ELN: variants seen among roughly 807,000 people sequenced by gnomAD.
ELN encodes the protein tropoelastin.
Under a neutral mutation model 105.8 loss-of-function variants are expected in ELN, and 65 were observed. The observed-to-expected ratio is 0.61, with a 90% confidence interval of 0.50 to 0.75. ELN has a LOEUF of 0.75. Among genes scored for constraint, ELN ranks in the 30% least tolerant of loss-of-function variants. ELN has a pLI of 0.00. For missense variants in ELN, 882 were observed against 969.4 expected, an observed-to-expected ratio of 0.91 and a Z score of 1.20; for synonymous variants, 368 against 389.2, an observed-to-expected ratio of 0.95 and a Z score of 0.64.
intron 26 of ELN, 99 bp downstream of exon 26, chr7:74,061,238 C>T (rs1261896161): frequency 1.9e-5 from 28 of 1,505,534 alleles, no homozygotes; most frequent in South Asian, 3.4e-5. Context: ...CAGTTTCGGC[C>T]GGGCGTGGTG....
intron 8 of ELN, chr7:74,043,388 A>G: frequency 1.3e-6 from 1 of 750,898 alleles, no homozygotes; most frequent in Non-Finnish European, 2.3e-6. Context: ...TGGGGTAGAA[A>G]GAGACGGGCT....
intron 30 of ELN, 83 bp downstream of exon 30, chr7:74,065,815 G>C: frequency 1.9e-6 from 3 of 1,610,742 alleles, no homozygotes; most frequent in Non-Finnish European, 2.5e-6. Context: ...CCCAGCTCAG[G>C]CCTCCCTCTG....
intron 17 of ELN, chr7:74,052,815 AAAAAG>A: frequency 3.4e-6 from 1 of 290,446 alleles, no homozygotes; most frequent in Non-Finnish European, 6.5e-6. Flanking sequence ...GGAAGGAAGG[AAAAAG>A]AAAAGAGGGA....
At chr7:74,040,352 C>G (rs575966769) in intron 4 of ELN, among the ~76,000 whole-genome samples, 3 of 152,218 alleles carry the variant, frequency 2.0e-5, no homozygotes, top group Non-Finnish European at 4.4e-5. Flanking sequence ...CACTCCCGCC[C>G]GGAGGCAAAG....
At chr7:74,047,816 C>T in intron 13 of ELN, 100 bp downstream of exon 13, 6 of 1,544,952 alleles carry the variant, frequency 3.9e-6, no homozygotes, top group East Asian at 2.3e-5. Context: ...GAGAGCACCT[C>T]GCTGGGGCAG....
In ELN at chr7:74,069,712, CT is replaced by C. The variant is rs1554691275; in HGVS notation, c.*1016del. The C allele has an allele frequency of 4.3e-6, 1 of 230,702 alleles. No homozygotes were observed. Among genetic ancestry groups the C allele is most frequent in the African/African-American group, 2.2e-5 (1 of 44,918 alleles). 14.3% of individuals were successfully genotyped at this position (230,702 alleles called of 1,614,324 possible). ...GATTATTTTTGATTGTTGATATTCT[CT>C]TTTGGTTTTATTGTTGTGGTTCATT... On this transcript the variant is annotated 3_prime_UTR_variant, in exon 33 of 33. Transcript: ENST00000252034.
In ELN at chr7:74,052,182, G is replaced by A. The variant is rs1048925592; in HGVS notation, c.949+199G>A. ...TTTGCCCTGATTAACTCAGCAGAGG[G>A]AGGGGACCCTGCAGAGGGGACATGG... is the stretch of plus-strand genomic sequence containing the variant. On this transcript the variant is annotated intron_variant, in intron 17 of 32. Coordinates refer to ENST00000252034, the MANE Select transcript of ELN (RefSeq NM_000501.4). 5.4e-5 allele frequency: 35 copies of A among 648,368 alleles called. No individual in the cohort carries two copies. The South Asian group carries it at 6.3e-4, about 12-fold the overall frequency. The allele number at this position is 648,368 out of a possible 1,614,324, so 40.2% of individuals were successfully genotyped here.
At chr7:74,042,471 T>C in intron 5 of ELN, 143 bp from the exon 6 acceptor site, 1 of 700,748 alleles carries the variant, frequency 1.4e-6, no homozygotes, top group Non-Finnish European at 2.5e-6. Context: ...CTCACATGGA[T>C]GTCCTGCAGG....
intron 1 of ELN, among the ~76,000 whole-genome samples, chr7:74,034,744 T>C (rs1363791614): frequency 1.3e-5 from 2 of 151,558 alleles, no homozygotes; most frequent in African/African-American, 4.9e-5. Flanking sequence ...CCAGGCCCCG[T>C]CTCTTTCCAG....
intron 30 of ELN, 85 bp downstream of exon 30, chr7:74,065,817 C>G: frequency 6.2e-7 from 1 of 1,609,796 alleles, no homozygotes; most frequent in Admixed American, 1.7e-5. Context: ...CAGCTCAGGC[C>G]TCCCTCTGGC....
At chr7:74,054,498 G>A (rs1794831770) in intron 18 of ELN, among the ~76,000 whole-genome samples, 1 of 151,872 alleles carries the variant, frequency 6.6e-6, no homozygotes, top group East Asian at 1.9e-4. Flanking sequence ...CAAATGGACA[G>A]GTATAGAGGT....
At chr7:74,064,955 T>C (rs1797614929) in intron 29 of ELN, among the ~76,000 whole-genome samples, 1 of 151,938 alleles carries the variant, frequency 6.6e-6, no homozygotes, top group Non-Finnish European at 1.5e-5. Flanking sequence ...ATTAAGACTT[T>C]TGGGGCCGGG....
At chr7:74,064,246 T>C (rs1797410321) in intron 29 of ELN, among the ~76,000 whole-genome samples, 1 of 137,760 alleles carries the variant, frequency 7.3e-6, no homozygotes, top group Admixed American at 7.1e-5. Context: ...AAACCCCGTC[T>C]CTACTAAAAA....
At position 74,046,050 on chromosome 7, in the gene ELN, C is replaced by T. The variant is rs1170587668; in HGVS notation, c.542-138C>T. ...AACTCCATCTCCGAAAAAAGAAACC[C>T]CAGAGTTCATGTGAGCGCAGCATGC... On this transcript the variant is annotated intron_variant, in intron 10 of 32. Transcript: ENST00000252034. 5 of 1,236,826 alleles carry T rather than the reference C, an allele frequency of 4.0e-6. No homozygotes were observed. The African/African-American group carries it at 7.4e-5, about 18-fold the overall frequency. 76.6% of individuals were successfully genotyped at this position (1,236,826 alleles called of 1,614,324 possible). A position where few individuals can be genotyped will look rare whatever the true frequency, so the allele number is the denominator to read the frequency against.
intron 1 of ELN, among the ~76,000 whole-genome samples, chr7:74,028,757 T>TC (rs1407580082): frequency 6.6e-6 from 1 of 152,086 alleles, no homozygotes; most frequent in African/African-American, 2.4e-5. Flanking sequence ...GAAGCCGGGA[T>TC]CCCCCCGTCA....
intron 4 of ELN, chr7:74,037,980 C>G (rs1790378490): frequency 1.8e-6 from 1 of 557,972 alleles, no homozygotes; most frequent in Admixed American, 3.0e-5. Flanking sequence ...GTGAGGGCGT[C>G]TAGCATCTAC....
chr7:74,037,601 G>C (rs1790271586), intron 3 of ELN, 106 bp from the exon 4 acceptor site: 1 of 1,504,808 alleles, frequency 6.6e-7, no homozygotes, highest in Non-Finnish European at 9.1e-7. Context: ...GAGGACCTGG[G>C]GTGTGTGATT....
intron 1 of ELN, among the ~76,000 whole-genome samples, chr7:74,029,972 G>A (rs1197647407): frequency 6.6e-6 from 1 of 152,226 alleles, no homozygotes; most frequent in African/African-American, 2.4e-5. Context: ...AACATTTGGG[G>A]AGGGGAAGGC....
At chr7:74,033,792 A>AGCCCCGCCCAT (rs1217347999) in intron 1 of ELN, among the ~76,000 whole-genome samples, 21 of 152,188 alleles carry the variant, frequency 1.4e-4, no homozygotes, top group Non-Finnish European at 2.6e-4. Context: ...CCGTTCCCCC[A>AGCCCCGCCCAT]GCCCCGCCCA....
Sources: allele counts gnomAD v4.1 joint callset (sites outside exome capture counted in the v4.1 genomes callset), GRCh38; gene constraint gnomAD v4.1.1; transcripts MANE v1.5; gene names NCBI Gene and HGNC (gene_info 2026-07-23, HGNC 2026-07-21).